Variants in RTF2 observed in about 807,000 individuals in gnomAD.
RTF2 encodes the protein replication termination factor 2.
Under a neutral mutation model 38.0 loss-of-function variants are expected in RTF2, and 18 were observed. The observed-to-expected ratio is 0.47, with a 90% CI of 0.33 to 0.70. The LOEUF is 0.70. Among genes scored for constraint, RTF2 ranks in the 30% least tolerant of loss-of-function variants. The pLI, the probability that RTF2 is intolerant of heterozygous loss-of-function variation, is 0.02. For synonymous variants in RTF2, 126 were observed against 137.1 expected, an observed-to-expected ratio of 0.92 and a Z score of 0.57; for missense variants, 311 against 379.6, an observed-to-expected ratio of 0.82 and a Z score of 1.50.
At chr20:56,484,087 TC>T (rs771812616) in intron 4 of RTF2, 23 bp from the exon 5 acceptor site, 27 of 1,605,804 alleles carry the variant, frequency 1.7e-5, no homozygotes, top group African/African-American at 6.7e-5. Context: ...ATACAGTCCT[TC>T]CCCCACTGGG....
intron 6 of RTF2, chr20:56,514,052 A>C (rs1213529983): frequency 6.6e-6 from 1 of 152,384 alleles, no homozygotes; most frequent in African/African-American, 2.4e-5. Flanking sequence ...GCTAATGAGT[A>C]GCCTTCCCAA....
chr20:56,476,794 C>T lies in RTF2; in HGVS notation c.259-191C>T, dbSNP rs181247498. Among the ~76,000 whole-genome samples the T allele has an allele frequency of 6.0e-4, 92 of 152,250 alleles. 2 individuals carry two copies. Among genetic ancestry groups the T allele is most frequent in the African/African-American group, 2.0e-3 (84 of 41,566 alleles). On this transcript the variant is annotated intron_variant, in intron 3 of 8. Transcript: ENST00000357348. The stretch of plus-strand genomic sequence containing the variant: ...GATTACAGGCATGAGCCACCACACC[C>T]GGCCTTGTTTTCTGTTTTCTATATA...
intron 4 of RTF2, among the ~76,000 whole-genome samples, chr20:56,482,345 A>G: frequency 6.6e-6 from 1 of 152,256 alleles, no homozygotes; most frequent in South Asian, 2.1e-4. Flanking sequence ...CTAATACAAT[A>G]TAAATGCTGT....
chr20:56,475,610 A>G (rs1204642608), intron 3 of RTF2, among the ~76,000 whole-genome samples: 1 of 152,220 alleles, frequency 6.6e-6, no homozygotes, highest in Non-Finnish European at 1.5e-5. Context: ...CTGTGGTAGT[A>G]TGAATCATCT....
chr20:56,505,809 A>G (rs146515168), intron 5 of RTF2, among the ~76,000 whole-genome samples: 61 of 152,292 alleles, frequency 4.0e-4, no homozygotes, highest in African/African-American at 1.4e-3. Context: ...GACAAAGGGT[A>G]AATCGGCTTT....
chr20:56,505,110 C>G (rs551560671), intron 5 of RTF2, among the ~76,000 whole-genome samples: 6 of 152,092 alleles, frequency 3.9e-5, no homozygotes, highest in Non-Finnish European at 8.8e-5. Context: ...AAGGTTAGGT[C>G]CTTTTATGTG....
chr20:56,486,485 C>T (rs1030208940), intron 5 of RTF2, among the ~76,000 whole-genome samples: 2 of 151,972 alleles, frequency 1.3e-5, no homozygotes, highest in Non-Finnish European at 2.9e-5. Context: ...CCTGTCTCTC[C>T]TAAAAATACA....
At chr20:56,496,896 A>G in intron 5 of RTF2, 2 of 1,551,720 alleles carry the variant, frequency 1.3e-6, no homozygotes, top group Non-Finnish European at 1.7e-6. Context: ...TTTAATGTGC[A>G]ATGGTTGGAT....
At chr20:56,487,186 A>G (rs1488915370) in intron 5 of RTF2, among the ~76,000 whole-genome samples, 1 of 152,216 alleles carries the variant, frequency 6.6e-6, no homozygotes, top group African/African-American at 2.4e-5. Context: ...AACCATGATG[A>G]CACGTATGCA....
chr20:56,504,631 G>C (rs981448713), intron 5 of RTF2, among the ~76,000 whole-genome samples: 1 of 152,134 alleles, frequency 6.6e-6, no homozygotes, highest in Non-Finnish European at 1.5e-5. Context: ...GCACCCCTTC[G>C]CTAGGCTTTC....
At chr20:56,487,417 G>T (rs1478694992) in intron 5 of RTF2, among the ~76,000 whole-genome samples, 2 of 152,198 alleles carry the variant, frequency 1.3e-5, no homozygotes, top group East Asian at 3.9e-4. Context: ...GGACAGTAGA[G>T]ACCAGGTGAC....
chr20:56,506,164 C>G (rs1430034190), intron 5 of RTF2, among the ~76,000 whole-genome samples: 2 of 152,212 alleles, frequency 1.3e-5, no homozygotes, highest in Non-Finnish European at 2.9e-5. Context: ...CAGTTATTCA[C>G]TGTGTCCAAT....
At position 56,473,418 on chromosome 20, in the gene RTF2, A is replaced by G. The variant is rs561101826; in HGVS notation, c.164+23A>G. ...CAGGTATGGTTTTTACACTTAATCA[A>G]GATGAGTTTGTTAAGTGATTTTGAG... On this transcript the variant is annotated intron_variant, in intron 2 of 8. Coordinates refer to ENST00000357348, the MANE Select transcript of RTF2 (RefSeq NM_016407.5). 1.6e-5 allele frequency: 24 copies of G among 1,510,728 alleles called. No individual in the cohort carries two copies. The East Asian group carries it at 4.6e-4, about 29-fold the overall frequency. 93.6% of individuals were successfully genotyped at this position (1,510,728 alleles called of 1,614,324 possible).
At chr20:56,475,747 GAAAAA>G (rs1167886766) in intron 3 of RTF2, among the ~76,000 whole-genome samples, 1 of 148,542 alleles carries the variant, frequency 6.7e-6, no homozygotes, top group South Asian at 2.1e-4. Context: ...CATCTGATGA[GAAAAA>G]AAAACAGTTA....
At chr20:56,478,140 A>T (rs1982351524) in intron 4 of RTF2, among the ~76,000 whole-genome samples, 1 of 152,230 alleles carries the variant, frequency 6.6e-6, no homozygotes, top group Non-Finnish European at 1.5e-5. Context: ...ACCACAATAA[A>T]ACAAATATTA....
rs1416935202 is a variant in RTF2 at position 56,495,234 on chromosome 20, C to A, written c.477+11045C>A. The A allele has an allele frequency of 1.7e-5, 27 of 1,551,498 alleles. 1 individual carries two copies. The East Asian group carries it at 4.9e-4, about 28-fold the overall frequency. ...TCCATCATGAACATTTCCTTCCTCA[C>A]TTTTCCGCTTAATGGCTCGAACATT... On this transcript the variant is annotated intron_variant, in intron 5 of 8. Transcript: ENST00000357348.
chr20:56,497,390 A>C, intron 5 of RTF2: 1 of 1,549,520 alleles, frequency 6.5e-7, no homozygotes, highest in Non-Finnish European at 8.7e-7. Context: ...CAGATTTATG[A>C]GGGGTTTTGC....
intron 5 of RTF2, chr20:56,496,630 C>G: frequency 6.8e-7 from 1 of 1,477,514 alleles, no homozygotes; most frequent in South Asian, 1.4e-5. Context: ...ATCGGTGGGT[C>G]TTTCTTACCT....
At chr20:56,512,545 G>T (rs535892044) in intron 5 of RTF2, among the ~76,000 whole-genome samples, 1 of 152,280 alleles carries the variant, frequency 6.6e-6, no homozygotes, top group Admixed American at 6.5e-5. Flanking sequence ...GTGTGTATGT[G>T]TGCGTTTCTA....
Sources: allele counts gnomAD v4.1 joint callset (sites outside exome capture counted in the v4.1 genomes callset), GRCh38; gene constraint gnomAD v4.1.1; transcripts MANE v1.5; gene names NCBI Gene and HGNC (gene_info 2026-07-23, HGNC 2026-07-21).